Variants in PCDHGA5 observed in about 807,000 individuals in gnomAD.
PCDHGA5 encodes protocadherin gamma subfamily A, 5, also known as protocadherin gamma-A5.
A neutral mutation model predicts 56.7 loss-of-function variants in PCDHGA5; 36 were observed. The observed-to-expected ratio is 0.64, with a 90% CI of 0.49 to 0.84. PCDHGA5 has a LOEUF of 0.84. Among genes scored for constraint, PCDHGA5 ranks in the 40% least tolerant of loss-of-function variants. PCDHGA5 has a pLI of 0.00. For missense variants in PCDHGA5, 1,305 were observed against 1,201.5 expected, an observed-to-expected ratio of 1.09 and a Z score of -1.27; for synonymous variants, 563 against 520.2, an observed-to-expected ratio of 1.08 and a Z score of -1.12.
chr5:141,423,848 G>C (rs1353181066), intron 1 of PCDHGA5: 1 of 1,277,462 alleles, frequency 7.8e-7, no homozygotes, highest in Non-Finnish European at 9.9e-7. Flanking sequence ...TAATCTTTCA[G>C]AACGTTTTTG....
chr5:141,418,945 A>G, intron 1 of PCDHGA5: 3 of 1,614,062 alleles, frequency 1.9e-6, no homozygotes, highest in Non-Finnish European at 2.5e-6. Flanking sequence ...ATTCCCCTCC[A>G]GGAGTGGTTG....
At chr5:141,407,960 C>T in intron 1 of PCDHGA5, 1 of 669,186 alleles carries the variant, frequency 1.5e-6, no homozygotes, top group Non-Finnish European at 2.4e-6. Flanking sequence ...CAGTGCAGAG[C>T]AAGCGCTGAC....
intron 1 of PCDHGA5, chr5:141,427,811 C>T (rs1335555425): frequency 6.6e-7 from 1 of 1,523,180 alleles, no homozygotes; most frequent in Admixed American, 1.7e-5. Flanking sequence ...GCGCACAGAG[C>T]GGGGTGGTGG....
intron 1 of PCDHGA5, chr5:141,423,339 C>T (rs1393650718): frequency 6.2e-7 from 1 of 1,614,072 alleles, no homozygotes; most frequent in Non-Finnish European, 8.5e-7. Flanking sequence ...TCTCCTGCAT[C>T]TTCCTGGTCT....
At chr5:141,483,757 C>T (rs895694800) in intron 1 of PCDHGA5, among the ~76,000 whole-genome samples, 1 of 151,984 alleles carries the variant, frequency 6.6e-6, no homozygotes, top group Non-Finnish European at 1.5e-5. Flanking sequence ...AGGATCGAGG[C>T]TTGGAAAAAT....
At chr5:141,414,489 G>C (rs754325517) in intron 1 of PCDHGA5, 2 of 1,613,872 alleles carry the variant, frequency 1.2e-6, no homozygotes, top group South Asian at 2.2e-5. Context: ...CTCTATCAAC[G>C]GAAGCTCACT....
chr5:141,433,460 T>C (rs892333304), intron 1 of PCDHGA5, among the ~76,000 whole-genome samples: 1 of 152,064 alleles, frequency 6.6e-6, no homozygotes, highest in Non-Finnish European at 1.5e-5. Context: ...GATCTGAAAC[T>C]TGGGCTCAGG....
At chr5:141,449,726 TTTTTTATGACATGATTA>T (rs2098653732) in intron 1 of PCDHGA5, among the ~76,000 whole-genome samples, 1 of 151,792 alleles carries the variant, frequency 6.6e-6, no homozygotes, top group Admixed American at 6.6e-5. Flanking sequence ...ATGATATGAT[TTTTTTATGACATGATTA>T]TTTTTATGAC....
At chr5:141,374,299 G>A (rs1588736812) in intron 1 of PCDHGA5, 1 of 1,613,982 alleles carries the variant, frequency 6.2e-7, no homozygotes, top group Non-Finnish European at 8.5e-7. Context: ...GAGGTAGGAT[G>A]CAGCTTTTCT....
chr5:141,459,105 T>C (rs904382532), intron 1 of PCDHGA5, among the ~76,000 whole-genome samples: 7 of 152,208 alleles, frequency 4.6e-5, no homozygotes, highest in Non-Finnish European at 7.4e-5. Flanking sequence ...GCAATGCATT[T>C]TGACAATTGT....
rs61612330 is a variant in PCDHGA5, at chr5:141,454,796, A to ATTTTTTT, written c.2422-39988_2422-39982dup. On this transcript the variant is annotated intron_variant, in intron 1 of 3. Transcript: ENST00000518069. Reference sequence around the variant, plus strand: ...AAGGAAATAATCCTCCATGGTTCTAATTTTTTTTTTTTTTTTTTTTTTTTT... The same window carrying ATTTTTTT: ...AAGGAAATAATCCTCCATGGTTCTAATTTTTTTTTTTTTTTTTTTTTTTTTTTTTTTT... Among the ~76,000 whole-genome samples the ATTTTTTT allele has an allele frequency of 2.6e-3, 198 of 77,448 alleles. 27 individuals are homozygous for ATTTTTTT. The highest frequency in any genetic ancestry group is 8.4e-3 in the African/African-American group (141 of 16,874). The allele number at this position is 77,448 out of a possible 152,430, so 50.8% of individuals were successfully genotyped here. A position where few individuals can be genotyped will look rare whatever the true frequency, so the allele number is the denominator to read the frequency against.
chr5:141,398,782 C>T (rs763578317), intron 1 of PCDHGA5: 1 of 1,613,908 alleles, frequency 6.2e-7, no homozygotes, highest in Non-Finnish European at 8.5e-7. Context: ...GGACGGTGGA[C>T]ATCCACCCCT....
Position 141,382,839 on chromosome 5 carries a change from T to C in PCDHGA5, c.2421+16088T>C, listed in dbSNP as rs11575957. On this transcript the variant is annotated intron_variant, in intron 1 of 3. Coordinates refer to ENST00000518069, the MANE Select transcript of PCDHGA5 (RefSeq NM_018918.3). ...CCTAAGACAGAGGGGTCCACCCGGATACACCCGCATTCTGAAGCACTTCCC... is the reference window on the plus strand; with the variant it reads ...CCTAAGACAGAGGGGTCCACCCGGACACACCCGCATTCTGAAGCACTTCCC... The C allele has an allele frequency of 5.0e-3, 7,225 of 1,450,218 alleles. 38 individuals are homozygous for C. Among genetic ancestry groups the C allele is most frequent in the Admixed American group, 9.6e-3 (425 of 44,246 alleles). 89.8% of individuals were successfully genotyped at this position (1,450,218 alleles called of 1,614,324 possible).
intron 1 of PCDHGA5, chr5:141,418,015 G>C: frequency 6.2e-7 from 1 of 1,613,964 alleles, no homozygotes; most frequent in Non-Finnish European, 8.5e-7. Context: ...ACCTCGCTAA[G>C]GATCTAGGGC....
chr5:141,393,874 G>C, intron 1 of PCDHGA5: 1 of 1,613,944 alleles, frequency 6.2e-7, no homozygotes. Context: ...TCTTTGTTTA[G>C]CCCAGTGTTA....
chr5:141,391,910 CAT>C (rs2092442264), intron 1 of PCDHGA5: 2 of 152,134 alleles, frequency 1.3e-5, no homozygotes, highest in African/African-American at 4.8e-5. Context: ...TGCTTTTTAT[CAT>C]ATATTCATCT....
intron 1 of PCDHGA5, among the ~76,000 whole-genome samples, chr5:141,442,789 T>C (rs2098343347): frequency 6.6e-6 from 1 of 152,196 alleles, no homozygotes; most frequent in African/African-American, 2.4e-5. Flanking sequence ...ATTTTATAAT[T>C]TTACTTTGAT....
In PCDHGA5 at chr5:141,438,615, TATATATATATATATATATATACAC is replaced by T. The variant is rs1230398483; in HGVS notation, c.2422-56190_2422-56167del. ...ACATATATATATATATATATATATA[TATATATATATATATATATATACAC>T]ACACACACACACATATATGTATATA... is the stretch of plus-strand genomic sequence containing the variant. On this transcript the variant is annotated intron_variant, in intron 1 of 3. Transcript: ENST00000518069. Among the ~76,000 whole-genome samples the T allele has an allele frequency of 3.0e-3, 107 of 35,910 alleles. 2 individuals carry two copies. The highest frequency in any genetic ancestry group is 7.9e-3 in the African/African-American group (39 of 4,916). The allele number at this position is 35,910 out of a possible 152,430, so 23.6% of individuals were successfully genotyped here. A position where few individuals can be genotyped will look rare whatever the true frequency, so the allele number is the denominator to read the frequency against.
At position 141,364,693 on chromosome 5, in the gene PCDHGA5, A is replaced by G; in HGVS notation, c.363A>G (p.Val121=). 1 of 1,614,018 alleles carries G rather than the reference A, an allele frequency of 6.2e-7. No individual in the cohort carries two copies. The highest frequency in any genetic ancestry group is 1.1e-5 in the South Asian group (1 of 91,090). ...AAATGAAAATTTATGGAGTAGAAGT[A>G]GAAATAATCGATATTAATGATAACT... is the stretch of plus-strand genomic sequence containing the variant. ...ENKMKIYGVE[V]EIIDINDNFP... is the part of the protein sequence containing the mutation. Residue 121 remains valine (V), a synonymous_variant, in exon 1 of 4, where the codon GTA becomes GTG. Transcript: ENST00000518069.
Sources: gnomAD v4.1 joint callset for allele counts (sites outside exome capture counted in the v4.1 genomes callset) on GRCh38, gnomAD v4.1.1 for gene constraint, MANE v1.5 for transcripts, NCBI Gene and HGNC (gene_info 2026-07-23, HGNC 2026-07-21) for gene names.